Variants in KATNIP observed in about 807,000 individuals in gnomAD.
The protein encoded by KATNIP is katanin-interacting protein.
A neutral mutation model predicts 174.0 loss-of-function variants in KATNIP; 126 were observed. The observed-to-expected ratio is 0.72, with a 90% CI of 0.63 to 0.84. The LOEUF is 0.84. KATNIP is among the 40% of genes least tolerant of loss of function. KATNIP has a pLI of 0.00. For missense variants in KATNIP, 1,958 were observed against 2,109.7 expected, an observed-to-expected ratio of 0.93 and a Z score of 1.41; for synonymous variants, 810 against 835.7, an observed-to-expected ratio of 0.97 and a Z score of 0.53.
Position 27,774,982 on chromosome 16 carries a change from G to T in KATNIP, c.4347G>T (p.Glu1449Asp), listed in dbSNP as rs1209118452. ...TCCCCGACAGCGTGAACTCCCTGGA[G>T]GGTGTGGGCGGGGACGTCCGCACCC... ...AAFPDSVNSL[E>D]GVGGDVRTPD... The change falls in exon 24 of 28, where the codon GAG becomes GAT. Residue 1449 changes from glutamate (E) to aspartate (D), a missense_variant. By Grantham distance (45) the Glu-to-Asp change is conservative (BLOSUM62 2). Coordinates refer to ENST00000261588, the MANE Select transcript of KATNIP (RefSeq NM_015202.5). The T allele has an allele frequency of 1.2e-6, 2 of 1,613,926 alleles. No homozygotes were observed. The highest frequency in any genetic ancestry group is 1.7e-6 in the Non-Finnish European group (2 of 1,179,934).
At chr16:27,553,974 TG>T (rs1189847790) in intron 1 of KATNIP, among the ~76,000 whole-genome samples, 2 of 36,766 alleles carry the variant, frequency 5.4e-5, no homozygotes, top group Admixed American at 6.0e-4. Context: ...GGGGGTGGGG[TG>T]GGGGGAGAGA....
Position 27,777,723 on chromosome 16 carries a change from C to T in KATNIP, c.4665C>T (p.Phe1555=). Residue 1555 remains phenylalanine (F), a synonymous_variant, in exon 26 of 28, where the codon TTC becomes TTT. Transcript: ENST00000261588. The surrounding 1 kb of genome is among the most constrained non-coding windows in gnomAD (Gnocchi z 4.4). The part of the protein sequence containing the change: ...EPTVPYHTIL[F]TEDRDIRHQE... ...CCGTGCCCTACCACACCATCCTCTT[C>T]ACCGAGGACAGGGACATCCGCCACC... The T allele has an allele frequency of 6.2e-7, 1 of 1,614,158 alleles. No individual in the cohort carries two copies. Among genetic ancestry groups the T allele is most frequent in the East Asian group, 2.2e-5 (1 of 44,876 alleles).
intron 5 of KATNIP, among the ~76,000 whole-genome samples, chr16:27,642,547 C>T (rs1320356427): frequency 2.0e-5 from 3 of 152,154 alleles, no homozygotes; most frequent in African/African-American, 7.2e-5. Flanking sequence ...GGCCTGGAAA[C>T]CCCCGGTTTT....
chr16:27,678,600 T>G (rs1167726802), intron 7 of KATNIP, among the ~76,000 whole-genome samples: 1 of 152,220 alleles, frequency 6.6e-6, no homozygotes, highest in Admixed American at 6.5e-5. Flanking sequence ...AAGTGAATTT[T>G]TCTTTCCCAA....
chr16:27,604,740 G>A (rs191507811), intron 2 of KATNIP, among the ~76,000 whole-genome samples: 2 of 152,300 alleles, frequency 1.3e-5, no homozygotes, highest in Admixed American at 1.3e-4. Context: ...GAATGTGGAA[G>A]TTCTGACTCT....
At position 27,751,879 on chromosome 16, in the gene KATNIP, G is replaced by T. The variant is rs372961315; in HGVS notation, c.3507G>T (p.Gly1169=). Residue 1169 remains glycine (G), a synonymous_variant, in exon 17 of 28, where the codon GGG becomes GGT. Coordinates refer to ENST00000261588, the MANE Select transcript of KATNIP (RefSeq NM_015202.5). ...MRRPSTADGE[G]DERPFTQAGL... is the part of the protein sequence containing the mutation. ...GGCCCAGCACGGCCGACGGCGAGGG[G>T]GATGAGCGGCCCTTCACCCAGGCTG... The T allele has an allele frequency of 4.3e-6, 7 of 1,613,190 alleles. No individual in the cohort carries two copies. The highest frequency in any genetic ancestry group is 5.9e-6 in the Non-Finnish European group (7 of 1,180,004).
intron 1 of KATNIP, among the ~76,000 whole-genome samples, chr16:27,571,373 A>T (rs1407751821): frequency 6.6e-6 from 1 of 152,138 alleles, no homozygotes; most frequent in African/African-American, 2.4e-5. Context: ...TAATTTTTTA[A>T]ACTGTTCTTT....
At chr16:27,769,173 C>T (rs988188041) in intron 20 of KATNIP, among the ~76,000 whole-genome samples, 2 of 152,194 alleles carry the variant, frequency 1.3e-5, no homozygotes, top group Non-Finnish European at 2.9e-5. Context: ...GTGTTCCAGG[C>T]CCTGAGGCAG....
At chr16:27,713,668 CATATTAT>C (rs1487300914) in intron 13 of KATNIP, among the ~76,000 whole-genome samples, 3 of 148,000 alleles carry the variant, frequency 2.0e-5, no homozygotes, top group Non-Finnish European at 4.5e-5. Context: ...TATACACATA[CATATTAT>C]ATATATGTGT....
Position 27,749,983 on chromosome 16 carries a change from T to G in KATNIP, c.3023T>G (p.Ile1008Ser). Residue 1008 changes from isoleucine (I) to serine (S), a missense_variant, in exon 16 of 28, where the codon ATT becomes AGT. Coordinates refer to ENST00000261588, the MANE Select transcript of KATNIP (RefSeq NM_015202.5). ...IFSSKGEPVQ[I>S]SNIKADPPDI... Reference sequence around the variant, plus strand: ...AGTTCCAAGGGTGAACCGGTGCAGATTTCAAACATAAAAGCAGACCCTCCC... The same window carrying G: ...AGTTCCAAGGGTGAACCGGTGCAGAGTTCAAACATAAAAGCAGACCCTCCC... 1 of 1,614,138 alleles carries G rather than the reference T, an allele frequency of 6.2e-7. No individual in the cohort carries two copies. The highest frequency in any genetic ancestry group is 8.5e-7 in the Non-Finnish European group (1 of 1,180,016).
At chr16:27,681,867 C>T (rs564117996) in intron 8 of KATNIP, among the ~76,000 whole-genome samples, 15 of 152,128 alleles carry the variant, frequency 9.9e-5, no homozygotes, top group Non-Finnish European at 1.5e-4. Flanking sequence ...TGATTCAAGC[C>T]GTCACCTGAT....
At chr16:27,741,370 C>A (rs756600307) in intron 15 of KATNIP, among the ~76,000 whole-genome samples, 8 of 151,468 alleles carry the variant, frequency 5.3e-5, no homozygotes, top group Non-Finnish European at 1.2e-4. Context: ...CCAAGGAGGT[C>A]GAGGCTACGG....
intron 5 of KATNIP, among the ~76,000 whole-genome samples, chr16:27,647,339 C>A (rs1314918018): frequency 2.1e-5 from 3 of 144,866 alleles, no homozygotes; most frequent in Admixed American, 2.0e-4. Context: ...AATCACAAAG[C>A]CCCCCCCTTT....
In KATNIP at chr16:27,713,712, T is replaced by A. The variant is rs865834484; in HGVS notation, c.1605+4792T>A. Among the ~76,000 whole-genome samples, 341 of 94,540 alleles carry A rather than the reference T, an allele frequency of 3.6e-3. 19 individuals carry two copies. The highest frequency in any genetic ancestry group is 0.016 in the African/African-American group (326 of 20,302). The allele number at this position is 94,540 out of a possible 152,430, so 62.0% of individuals were successfully genotyped here. A position where few individuals can be genotyped will look rare whatever the true frequency, so the allele number is the denominator to read the frequency against. On this transcript the variant is annotated intron_variant, in intron 13 of 27. Transcript: ENST00000261588. ...TGTATATATATACACATACATATTA[T>A]ATATATGTGTGTGTATTATATACAC...
chr16:27,721,792 C>G, intron 14 of KATNIP, 97 bp downstream of exon 14: 1 of 1,376,192 alleles, frequency 7.3e-7, no homozygotes, highest in Non-Finnish European at 1.0e-6. Flanking sequence ...AAAATGGATA[C>G]ACGGAAGCCC....
At chr16:27,631,383 T>C (rs532831650) in intron 5 of KATNIP, 45 of 495,490 alleles carry the variant, frequency 9.1e-5, no homozygotes, top group Middle Eastern at 5.5e-4. Flanking sequence ...CTACTAAAAA[T>C]AAAAATAAAA....
chr16:27,610,177 T>G (rs1317120922), intron 2 of KATNIP, among the ~76,000 whole-genome samples: 2 of 151,932 alleles, frequency 1.3e-5, no homozygotes, highest in Non-Finnish European at 2.9e-5. Context: ...TCCACTCACC[T>G]CTCATCAGGC....
rs374764299 is a variant in KATNIP, at chr16:27,757,238, G to A, written c.3631+2987G>A. On this transcript the variant is annotated intron_variant, in intron 18 of 27. Coordinates refer to ENST00000261588, the MANE Select transcript of KATNIP (RefSeq NM_015202.5). ...TAGCTGGGACTGTAGGTGTGCCACC[G>A]TGCCCGGCTAATTCATATGTCCATC... Among the ~76,000 whole-genome samples, 7 of 152,152 alleles carry A rather than the reference G, an allele frequency of 4.6e-5. No homozygotes were observed. In the East Asian group the frequency reaches 1.2e-3, roughly 25 times the overall value.
rs2081053126 is a variant in KATNIP, at chr16:27,740,258, A to G, written c.1961A>G (p.Glu654Gly). 1 of 1,614,116 alleles carries G rather than the reference A, an allele frequency of 6.2e-7. No individual in the cohort carries two copies. Among genetic ancestry groups the G allele is most frequent in the African/African-American group, 1.3e-5 (1 of 74,946 alleles). ...ATGGCTGGTGCCAGCGGGGACAAGG[A>G]GCTTGGTCTCGGTTGCTCACCGCCA... ...HEMAGASGDK[E>G]LGLGCSPPAE... is the part of the protein sequence containing the mutation. The change falls in exon 15 of 28, where the codon GAG becomes GGG. Residue 654 changes from glutamate (E) to glycine (G), a missense_variant. This residue lies in a region of KATNIP where 1,557 missense variants were observed against 1,617.8 expected (regional missense o/e 0.96). Coordinates refer to ENST00000261588, the MANE Select transcript of KATNIP (RefSeq NM_015202.5).
Sources: gnomAD v4.1 joint callset for allele counts (sites outside exome capture counted in the v4.1 genomes callset) on GRCh38, gnomAD v4.1.1 for gene constraint, gnomAD v4.1.1 regional missense constraint, Gnocchi (gnomAD v3.1) non-coding constraint, MANE v1.5 for transcripts, NCBI Gene and HGNC (gene_info 2026-07-23, HGNC 2026-07-21) for gene names.